The following PCDHGB2 variants were observed in gnomAD, a reference collection of about 807,000 sequenced individuals.
PCDHGB2 encodes protocadherin gamma-B2.
A neutral mutation model predicts 59.3 loss-of-function variants in PCDHGB2; 55 were observed. The ratio of observed to expected loss-of-function variants is 0.93; its 90% CI spans 0.75 to 1.16. PCDHGB2 has a LOEUF of 1.16. Among genes scored for constraint, PCDHGB2 ranks in the 50% most tolerant of loss-of-function variants. The probability of loss-of-function intolerance (pLI) is 0.00; values close to 1 mark genes in which losing one functional copy is unlikely to be tolerated. For synonymous variants in PCDHGB2, 516 were observed against 512.0 expected (o/e 1.01, Z -0.11); for missense variants, 1,228 against 1,198.5 (o/e 1.02, Z -0.36).
chr5:141,409,213 C>T (rs1379007048), intron 1 of PCDHGB2: 1 of 1,613,994 alleles, frequency 6.2e-7, no homozygotes, highest in Admixed American at 1.7e-5. Context: ...TCATAGAAAT[C>T]CTTGATGAAA....
chr5:141,445,035 T>C (rs1438748354), intron 1 of PCDHGB2, among the ~76,000 whole-genome samples: 1 of 152,208 alleles, frequency 6.6e-6, no homozygotes, highest in Admixed American at 6.5e-5. Flanking sequence ...CTATGTTGTA[T>C]AGTTTTCAGT....
chr5:141,423,674 C>G (rs57195665), intron 1 of PCDHGB2: 15 of 1,514,742 alleles, frequency 9.9e-6, no homozygotes, highest in African/African-American at 2.9e-5. Flanking sequence ...AGATTTATTT[C>G]TCTGCCTCCT....
At chr5:141,443,713 A>G (rs774603084) in intron 1 of PCDHGB2, among the ~76,000 whole-genome samples, 19 of 152,246 alleles carry the variant, frequency 1.2e-4, no homozygotes, top group Admixed American at 8.5e-4. Flanking sequence ...ACATTTGCAT[A>G]TAAAATTCCT....
rs1364068033 is a variant in PCDHGB2 at position 141,490,353 on chromosome 5, G to A, written c.2422-4454G>A. 3.1e-6 allele frequency: 5 copies of A among 1,614,090 alleles called. No individual in the cohort carries two copies. The highest frequency in any genetic ancestry group is 4.2e-6 in the Non-Finnish European group (5 of 1,180,046). On this transcript the variant is annotated intron_variant, in intron 1 of 3. Transcript: ENST00000522605. This position sits in a 1 kb window ranked among gnomAD's most constrained non-coding sequence, Gnocchi z 5.4. ...CACCAGTGGGCACAGTAGTGGGGTT[G>A]TTTAATGTGCGAGACCGGGACTCAG...
intron 1 of PCDHGB2, chr5:141,414,696 A>T: frequency 6.2e-7 from 1 of 1,613,982 alleles, no homozygotes; most frequent in Non-Finnish European, 8.5e-7. Flanking sequence ...CTCTGTCCTC[A>T]TACATATCCA....
chr5:141,491,368 A>G lies in PCDHGB2; in HGVS notation c.2422-3439A>G. ...CAGTCTCTTATCCCTAGTCACCTTC[A>G]CCTTTCTGTCAGCGAAGTGCCTTCA... On this transcript the variant is annotated intron_variant, in intron 1 of 3. Transcript: ENST00000522605. This position sits in a 1 kb window ranked among gnomAD's most constrained non-coding sequence, Gnocchi z 6.9. 6.2e-7 allele frequency: 1 copy of G among 1,613,842 alleles called. No homozygotes were observed. The highest frequency in any genetic ancestry group is 8.5e-7 in the Non-Finnish European group (1 of 1,179,940).
intron 1 of PCDHGB2, chr5:141,394,390 G>C (rs758609540): frequency 1.2e-6 from 2 of 1,614,100 alleles, no homozygotes; most frequent in Non-Finnish European, 1.7e-6. Context: ...GAGCAGATCC[G>C]AGACCTGCAG....
intron 3 of PCDHGB2, among the ~76,000 whole-genome samples, chr5:141,510,378 C>A (rs919650449): frequency 6.6e-6 from 1 of 151,786 alleles, no homozygotes; most frequent in East Asian, 2.0e-4. Flanking sequence ...TCTACTCGTG[C>A]CAGGCCTTGC....
At position 141,423,606 on chromosome 5, in the gene PCDHGB2, G is replaced by A. The variant is rs945897368; in HGVS notation, c.2421+61050G>A. 9 of 1,612,046 alleles carry A rather than the reference G, an allele frequency of 5.6e-6. No individual in the cohort carries two copies. In the Admixed American group the frequency reaches 1.0e-4, roughly 18 times the overall value. On this transcript the variant is annotated intron_variant, in intron 1 of 3. Transcript: ENST00000522605. ...GCTGTGAGAAAAGCGAGCCACTCTT[G>A]ATAGCTGAAGACTCAGCTATCATTT...
rs1426255577 is a variant in PCDHGB2, at chr5:141,512,797, TG to T, written c.*1625del. 6.6e-6 allele frequency: 1 copy of T among 152,300 alleles called. No homozygotes were observed. Among genetic ancestry groups the T allele is most frequent in the African/African-American group, 2.4e-5 (1 of 41,444 alleles). The allele number at this position is 152,300 out of a possible 1,614,324, so 9.4% of individuals were successfully genotyped here. On this transcript the variant is annotated 3_prime_UTR_variant, in exon 4 of 4. Transcript: ENST00000522605. ...GCGGCCCGTGTTGTGTTTTGTGCTGTGTCCACGCGCTAAGGCGACCCCCTCC... is the reference window on the plus strand; with the variant it reads ...GCGGCCCGTGTTGTGTTTTGTGCTGTTCCACGCGCTAAGGCGACCCCCTCC...
chr5:141,385,482 A>G, intron 1 of PCDHGB2: 3 of 1,423,440 alleles, frequency 2.1e-6, no homozygotes, highest in South Asian at 1.6e-5. Context: ...TTTAATATAG[A>G]ACACATAGGA....
At chr5:141,366,570 G>A (rs373636717) in intron 1 of PCDHGB2, 2 of 1,614,218 alleles carry the variant, frequency 1.2e-6, no homozygotes, top group Non-Finnish European at 1.7e-6. Context: ...GATGGGGTTC[G>A]GGCTTTCCTG....
In PCDHGB2 at chr5:141,431,155, C is replaced by T; in HGVS notation, c.2422-63652C>T. On this transcript the variant is annotated intron_variant, in intron 1 of 3. Transcript: ENST00000522605. This position sits in a 1 kb window ranked among gnomAD's most constrained non-coding sequence, Gnocchi z 4.8. ...GGGACATTAACGACAATGCGCCTTA[C>T]TTTCGTGAAAGTGAATTAGAAATAA... is the stretch of plus-strand genomic sequence containing the variant. 6.2e-7 allele frequency: 1 copy of T among 1,614,212 alleles called. No homozygotes were observed. Among genetic ancestry groups the T allele is most frequent in the Non-Finnish European group, 8.5e-7 (1 of 1,180,032 alleles).
At chr5:141,374,121 A>G in intron 1 of PCDHGB2, 53 of 1,590,920 alleles carry the variant, frequency 3.3e-5, no homozygotes, top group Non-Finnish European at 4.5e-5. Context: ...CGCAGCGAGC[A>G]GGTCCTGCTC....
intron 1 of PCDHGB2, chr5:141,394,389 C>T (rs750588570): frequency 2.6e-5 from 42 of 1,614,118 alleles, no homozygotes; most frequent in Non-Finnish European, 3.5e-5. Flanking sequence ...TGAGCAGATC[C>T]GAGACCTGCA....
At chr5:141,399,501 C>G in intron 1 of PCDHGB2, 1 of 1,614,030 alleles carries the variant, frequency 6.2e-7, no homozygotes, top group South Asian at 1.1e-5. Flanking sequence ...TCAGTGTACC[C>G]GAAAACAACC....
chr5:141,375,414 A>G lies in PCDHGB2; in HGVS notation c.2421+12858A>G, dbSNP rs752900319. The stretch of plus-strand genomic sequence containing the variant: ...ACAATCATCTCTCTAAATGTGGCAG[A>G]CACCAACGACAACCCGCCCACCTTC... On this transcript the variant is annotated intron_variant, in intron 1 of 3. Transcript: ENST00000522605. 21 of 1,613,866 alleles carry G rather than the reference A, an allele frequency of 1.3e-5. No homozygotes were observed. In the South Asian group the frequency reaches 1.6e-4, roughly 13 times the overall value.
intron 1 of PCDHGB2, chr5:141,370,676 G>A (rs772923764): frequency 1.9e-6 from 3 of 1,613,892 alleles, no homozygotes; most frequent in Non-Finnish European, 2.5e-6. Context: ...ACCGAGAGGA[G>A]ATTTGTGGCA....
At chr5:141,483,917 T>A (rs565465724) in intron 1 of PCDHGB2, among the ~76,000 whole-genome samples, 2 of 151,262 alleles carry the variant, frequency 1.3e-5, no homozygotes, top group South Asian at 4.2e-4. Context: ...CCCACTCAGA[T>A]TGCAGGTCGT....
Sources: gnomAD v4.1 joint callset for allele counts (sites outside exome capture counted in the v4.1 genomes callset) on GRCh38, gnomAD v4.1.1 for gene constraint, Gnocchi (gnomAD v3.1) non-coding constraint, MANE v1.5 for transcripts, NCBI Gene and HGNC (gene_info 2026-07-23, HGNC 2026-07-21) for gene names.